The following ZCCHC24 variants were observed in gnomAD, a reference collection of about 807,000 sequenced individuals.
The protein encoded by ZCCHC24 is zinc finger CCHC domain-containing protein 24.
ZCCHC24 carries 10 observed loss-of-function variants against 26.2 expected under a neutral mutation model. The observed-to-expected ratio is 0.38, with a 90% CI of 0.24 to 0.65. The LOEUF (loss-of-function observed/expected upper bound fraction) is 0.65. Ranked by LOEUF, ZCCHC24 falls within the 30% of genes least tolerant of loss-of-function variation. The pLI is 0.54. For missense variants in ZCCHC24, 243 were observed against 329.1 expected (o/e 0.74, Z 2.03); for synonymous variants, 144 against 147.1 (o/e 0.98, Z 0.15).
At chr10:79,389,373 A>G (rs1856440809) in intron 3 of ZCCHC24, among the ~76,000 whole-genome samples, 1 of 152,188 alleles carries the variant, frequency 6.6e-6, no homozygotes, top group Non-Finnish European at 1.5e-5. Context: ...TCTCCATATG[A>G]CATGATATCA....
chr10:79,390,077 A>G (rs1356992250), intron 3 of ZCCHC24, among the ~76,000 whole-genome samples: 1 of 152,012 alleles, frequency 6.6e-6, no homozygotes. Context: ...CACTATATTG[A>G]CCAGGCTCAT....
chr10:79,422,427 G>A (rs1163456819), intron 2 of ZCCHC24, among the ~76,000 whole-genome samples: 1 of 152,230 alleles, frequency 6.6e-6, no homozygotes, highest in Non-Finnish European at 1.5e-5. Flanking sequence ...CTGGCCTGGG[G>A]AGGGGTGCAG....
At chr10:79,416,633 C>T (rs1417722090) in intron 2 of ZCCHC24, among the ~76,000 whole-genome samples, 1 of 152,170 alleles carries the variant, frequency 6.6e-6, no homozygotes, top group African/African-American at 2.4e-5. Flanking sequence ...AACATTAGCT[C>T]CCTGCCTTTC....
intron 2 of ZCCHC24, among the ~76,000 whole-genome samples, chr10:79,416,025 C>T (rs1007759450): frequency 2.0e-5 from 3 of 152,190 alleles, no homozygotes; most frequent in Non-Finnish European, 2.9e-5. Flanking sequence ...ACCCGGGCTG[C>T]GCATTTTTGA....
chr10:79,441,237 TG>T (rs1180428159), intron 1 of ZCCHC24, among the ~76,000 whole-genome samples: 1 of 152,108 alleles, frequency 6.6e-6, no homozygotes, highest in Non-Finnish European at 1.5e-5. Flanking sequence ...AGGCAGCCCG[TG>T]GGCTTATCTC....
chr10:79,390,173 G>A (rs1357471569), intron 3 of ZCCHC24, among the ~76,000 whole-genome samples: 1 of 152,188 alleles, frequency 6.6e-6, no homozygotes, highest in Non-Finnish European at 1.5e-5. Context: ...GCCCAGCTGC[G>A]ATGATTGTCT....
intron 2 of ZCCHC24, among the ~76,000 whole-genome samples, chr10:79,422,501 C>T (rs1856957340): frequency 6.6e-6 from 1 of 152,238 alleles, no homozygotes; most frequent in Admixed American, 6.5e-5. Flanking sequence ...CCAGCCCCCT[C>T]TTTCCCTTGT....
At chr10:79,403,349 A>T (rs1314046238) in intron 2 of ZCCHC24, 2 of 980,664 alleles carry the variant, frequency 2.0e-6, no homozygotes, top group Non-Finnish European at 2.4e-6. Flanking sequence ...CCAAGTGCTG[A>T]GCCCCTGGCT....
At chr10:79,444,703 G>C (rs780366009) in intron 1 of ZCCHC24, among the ~76,000 whole-genome samples, 63 of 152,200 alleles carry the variant, frequency 4.1e-4, no homozygotes, top group Admixed American at 1.4e-3. Context: ...CTTTCGGGTC[G>C]GGAACCGCAG....
At chr10:79,444,434 C>G (rs1252362895) in intron 1 of ZCCHC24, among the ~76,000 whole-genome samples, 3 of 152,180 alleles carry the variant, frequency 2.0e-5, no homozygotes, top group African/African-American at 7.2e-5. Flanking sequence ...ACAGCCGGCC[C>G]AGGTTTCTGC....
At chr10:79,433,620 G>A (rs1190069228) in intron 1 of ZCCHC24, among the ~76,000 whole-genome samples, 2 of 152,242 alleles carry the variant, frequency 1.3e-5, no homozygotes, top group African/African-American at 4.8e-5. Context: ...GAAAGAGGCG[G>A]CCTCCCCAGG....
At chr10:79,431,905 C>T (rs988231112) in intron 2 of ZCCHC24, among the ~76,000 whole-genome samples, 2 of 152,200 alleles carry the variant, frequency 1.3e-5, no homozygotes, top group African/African-American at 4.8e-5. Context: ...GGTCAGGGAC[C>T]ATCCTGTAGG....
At chr10:79,390,650 A>T (rs1013955604) in intron 3 of ZCCHC24, among the ~76,000 whole-genome samples, 2 of 152,286 alleles carry the variant, frequency 1.3e-5, no homozygotes, top group Admixed American at 1.3e-4. Flanking sequence ...CTGTCAAGAC[A>T]TTCCCCTCGG....
chr10:79,429,017 G>A (rs74334942), intron 2 of ZCCHC24, among the ~76,000 whole-genome samples: 6,744 of 152,208 alleles, frequency 0.044, 266 homozygotes, highest in South Asian at 0.18. Flanking sequence ...AAGCCCGGGC[G>A]CAGACGGCAT....
intron 2 of ZCCHC24, among the ~76,000 whole-genome samples, chr10:79,411,766 CAGA>C (rs1317268126): frequency 6.6e-6 from 1 of 152,102 alleles, no homozygotes; most frequent in East Asian, 1.9e-4. Flanking sequence ...ACTGTGAGGA[CAGA>C]AGAAGGGTCA....
At position 79,394,682 on chromosome 10, in the gene ZCCHC24, G is replaced by A. The variant is rs544315861; in HGVS notation, c.448-242C>T. ...TGAAAAAACAGAGGAGATGGCGCAC[G>A]TCTCTTCTAGATTTAAGGGGTAAAG... On this transcript the variant is annotated intron_variant, in intron 2 of 3. Transcript: ENST00000372336. The A allele has an allele frequency of 8.0e-5, 77 of 960,366 alleles. No individual in the cohort carries two copies. The South Asian group carries it at 1.7e-3, about 21-fold the overall frequency. The allele number at this position is 960,366 out of a possible 1,614,324, so 59.5% of individuals were successfully genotyped here.
At chr10:79,442,975 T>G (rs957459680) in intron 1 of ZCCHC24, among the ~76,000 whole-genome samples, 2 of 152,170 alleles carry the variant, frequency 1.3e-5, no homozygotes, top group Non-Finnish European at 2.9e-5. Context: ...CACTGGCCTG[T>G]GAACATCAGA....
intron 2 of ZCCHC24, 32 bp from the exon 3 acceptor site, chr10:79,394,472 G>T: frequency 6.2e-7 from 1 of 1,604,944 alleles, no homozygotes; most frequent in Non-Finnish European, 8.5e-7. Flanking sequence ...CAGGGGATTG[G>T]AGTCCAAAGG....
chr10:79,441,952 G>T (rs1331810512), intron 1 of ZCCHC24, among the ~76,000 whole-genome samples: 1 of 152,212 alleles, frequency 6.6e-6, no homozygotes, highest in African/African-American at 2.4e-5. Flanking sequence ...TTCACAAGGA[G>T]GTAACTCAGC....
Sources: allele counts gnomAD v4.1 joint callset (sites outside exome capture counted in the v4.1 genomes callset), GRCh38; gene constraint gnomAD v4.1.1; transcripts MANE v1.5; gene names NCBI Gene and HGNC (gene_info 2026-07-23, HGNC 2026-07-21).